Variants in PRKCH observed in about 807,000 individuals in gnomAD.
The protein encoded by PRKCH is protein kinase C eta type.
In PRKCH, 28 loss-of-function variants were observed where a neutral mutation model predicts 82.5. The ratio of observed to expected loss-of-function variants is 0.34; its 90% CI spans 0.25 to 0.47. The LOEUF is 0.47. PRKCH is among the 20% of genes least tolerant of loss of function. The probability of loss-of-function intolerance (pLI) is 1.00; values close to 1 mark genes in which losing one functional copy is unlikely to be tolerated. For synonymous variants in PRKCH, 322 were observed against 327.4 expected (o/e 0.98, Z 0.18); for missense variants, 705 against 881.8 (o/e 0.80, Z 2.54).
chr14:61,244,026 G>T (rs537262443), intron 1 of PRKCH, among the ~76,000 whole-genome samples: 2 of 151,918 alleles, frequency 1.3e-5, no homozygotes, highest in African/African-American at 4.8e-5. Flanking sequence ...GCACATCACC[G>T]CAGCCTGGCT....
intron 10 of PRKCH, among the ~76,000 whole-genome samples, chr14:61,498,229 G>T (rs1387282588): frequency 6.6e-6 from 1 of 152,132 alleles, no homozygotes; most frequent in Non-Finnish European, 1.5e-5. Context: ...GGCCAGGCTA[G>T]TCTCAAATTC....
chr14:61,418,791 A>G (rs557837010), intron 2 of PRKCH, among the ~76,000 whole-genome samples: 3 of 152,324 alleles, frequency 2.0e-5, no homozygotes, highest in Non-Finnish European at 4.4e-5. Flanking sequence ...GCCATTTTCC[A>G]TCCTGGGAAT....
At chr14:61,257,029 G>C (rs752551029) in intron 1 of PRKCH, among the ~76,000 whole-genome samples, 1 of 152,162 alleles carries the variant, frequency 6.6e-6, no homozygotes, top group Non-Finnish European at 1.5e-5. Flanking sequence ...ATTTTGACAG[G>C]AAACACTACT....
At chr14:61,448,941 G>T (rs1452042549) in intron 4 of PRKCH, among the ~76,000 whole-genome samples, 1 of 152,090 alleles carries the variant, frequency 6.6e-6, no homozygotes, top group African/African-American at 2.4e-5. Context: ...AGTCAGGAAG[G>T]AAGAAATAGG....
At position 61,545,614 on chromosome 14, in the gene PRKCH, G is replaced by T. The variant is rs2043245792; in HGVS notation, c.1762-2129G>T. ...AAGTTGAGGATGGCTGCATCTAAAG[G>T]GCTCAGGCCAAGGTATTAAAAACAA... On this transcript the variant is annotated intron_variant, in intron 12 of 13. Transcript: ENST00000332981. 2.0e-5 allele frequency among the ~76,000 whole-genome samples: 3 copies of T among 152,072 alleles called. No individual in the cohort carries two copies. In the East Asian group the frequency reaches 5.8e-4, roughly 29 times the overall value.
At chr14:61,445,876 A>G in intron 4 of PRKCH, 150 bp downstream of exon 4, 3 of 790,780 alleles carry the variant, frequency 3.8e-6, no homozygotes, top group Non-Finnish European at 6.1e-6. Flanking sequence ...ACAACTCTTT[A>G]GTTTGGTGAG....
chr14:61,364,020 A>G lies in PRKCH; in HGVS notation c.364-27205A>G, dbSNP rs185156721. On this transcript the variant is annotated intron_variant, in intron 1 of 13. Transcript: ENST00000332981. ...TATATATATATTTGTGTGTATATAT[A>G]TATTTGTATATATATAATATATATA... is the stretch of plus-strand genomic sequence containing the variant. Among the ~76,000 whole-genome samples the G allele has an allele frequency of 3.3e-3, 488 of 147,014 alleles. 10 individuals carry two copies. The highest frequency in any genetic ancestry group is 0.011 in the African/African-American group (463 of 40,270).
chr14:61,268,148 A>ACAGCTACATCCTG (rs1286723362), intron 1 of PRKCH, among the ~76,000 whole-genome samples: 2 of 152,178 alleles, frequency 1.3e-5, no homozygotes, highest in Non-Finnish European at 2.9e-5. Flanking sequence ...CTGCACAATG[A>ACAGCTACATCCTG]CAGCTACATC....
chr14:61,289,390 G>T (rs1336970533), intron 1 of PRKCH, among the ~76,000 whole-genome samples: 2 of 152,172 alleles, frequency 1.3e-5, no homozygotes. Context: ...AATGAACCTA[G>T]AATACATGAG....
At chr14:61,191,035 G>A (rs1365937567) in intron 1 of PRKCH, among the ~76,000 whole-genome samples, 2 of 152,102 alleles carry the variant, frequency 1.3e-5, no homozygotes, top group African/African-American at 4.8e-5. Context: ...AGAGTCACAG[G>A]ATTAACTAAT....
chr14:61,193,864 A>G lies in PRKCH; in HGVS notation c.-19+6196A>G, dbSNP rs1040217518. ...CCCTGTTTCTCTTAAGGCACAAAGTATCTTCTTTCTGTCTTCCTCTGCACA... is the reference window on the plus strand; with the variant it reads ...CCCTGTTTCTCTTAAGGCACAAAGTGTCTTCTTTCTGTCTTCCTCTGCACA... On this transcript the variant is annotated intron_variant, in intron 1 of 3. Coordinates refer to the PRKCH transcript ENST00000555185. Among the ~76,000 whole-genome samples the G allele has an allele frequency of 1.1e-4, 17 of 152,318 alleles. 1 individual carries two copies. The highest frequency in any genetic ancestry group is 7.7e-4 in the East Asian group (4 of 5,182).
intron 11 of PRKCH, among the ~76,000 whole-genome samples, chr14:61,530,142 C>T (rs2043026620): frequency 6.6e-6 from 1 of 152,054 alleles, no homozygotes; most frequent in South Asian, 2.1e-4. Flanking sequence ...TTCCAGAACC[C>T]TTTCTGTTTG....
At chr14:61,361,404 G>A (rs2046222992) in intron 1 of PRKCH, among the ~76,000 whole-genome samples, 1 of 152,178 alleles carries the variant, frequency 6.6e-6, no homozygotes, top group Non-Finnish European at 1.5e-5. Flanking sequence ...TGTAGGCAGA[G>A]CAGCTTTCTA....
At chr14:61,391,834 T>C (rs1265415573) in intron 2 of PRKCH, among the ~76,000 whole-genome samples, 2 of 152,204 alleles carry the variant, frequency 1.3e-5, no homozygotes, top group Non-Finnish European at 2.9e-5. Flanking sequence ...TTTTGACAAA[T>C]GCATACAACT....
chr14:61,350,160 A>G (rs2046052152), intron 1 of PRKCH, among the ~76,000 whole-genome samples: 2 of 152,158 alleles, frequency 1.3e-5, no homozygotes, highest in South Asian at 4.1e-4. Context: ...ATTTGCCCCC[A>G]TTGTATTGTC....
chr14:61,405,202 A>G (rs1881872406), intron 2 of PRKCH, among the ~76,000 whole-genome samples: 1 of 152,198 alleles, frequency 6.6e-6, no homozygotes, highest in African/African-American at 2.4e-5. Flanking sequence ...CCCCAGCTTA[A>G]TAAGCATTAA....
At chr14:61,303,012 ATT>A (rs139375822) in intron 1 of PRKCH, 262 of 129,024 alleles carry the variant, frequency 2.0e-3, no homozygotes, top group African/African-American at 6.4e-3. Flanking sequence ...TGTTCCTTCA[ATT>A]TTTTTTTTTT....
At chr14:61,296,901 A>G (rs2045410933) in intron 1 of PRKCH, among the ~76,000 whole-genome samples, 1 of 152,024 alleles carries the variant, frequency 6.6e-6, no homozygotes, top group Non-Finnish European at 1.5e-5. Flanking sequence ...TTAATTTAAC[A>G]TGTGATCTGT....
chr14:61,432,639 C>T (rs958630540), intron 2 of PRKCH, among the ~76,000 whole-genome samples: 3 of 152,146 alleles, frequency 2.0e-5, no homozygotes, highest in East Asian at 1.9e-4. Context: ...CCAGCAGTAA[C>T]GCTAGTTTCA....
Sources: allele counts gnomAD v4.1 joint callset (sites outside exome capture counted in the v4.1 genomes callset), GRCh38; gene constraint gnomAD v4.1.1; transcripts MANE v1.5; gene names NCBI Gene and HGNC (gene_info 2026-07-23, HGNC 2026-07-21).